Variants in CADM2 observed in about 807,000 individuals in gnomAD.
CADM2 encodes the protein immunoglobulin superfamily member 4D.
Under a neutral mutation model 49.8 loss-of-function variants are expected in CADM2, and 12 were observed. That is an observed-to-expected ratio of 0.24 (90% confidence interval 0.15 to 0.39). The LOEUF (loss-of-function observed/expected upper bound fraction) is 0.39, where lower values mean the gene tolerates loss of function less well. CADM2 is among the 10% of genes least tolerant of loss of function. The probability of loss-of-function intolerance (pLI) is 1.00; values close to 1 mark genes in which losing one functional copy is unlikely to be tolerated. For missense variants in CADM2, 378 were observed against 492.3 expected (o/e 0.77, Z 2.20); for synonymous variants, 214 against 175.4 (o/e 1.22, Z -1.74).
intron 7 of CADM2, among the ~76,000 whole-genome samples, chr3:85,959,058 C>CTA (rs1553713699): frequency 1.1e-3 from 173 of 150,446 alleles, no homozygotes; most frequent in African/African-American, 3.9e-3. Context: ...ATCTATATAT[C>CTA]TATATCTATA....
chr3:85,108,791 A>T (rs182311113), intron 1 of CADM2, among the ~76,000 whole-genome samples: 110 of 152,284 alleles, frequency 7.2e-4, no homozygotes, highest in Non-Finnish European at 1.4e-3. Context: ...TTAGAAAAAA[A>T]CATGTTTTTA....
rs1236869081 is a variant in CADM2, at chr3:85,801,999, C to G, written c.89-48C>G. 3.7e-6 allele frequency: 5 copies of G among 1,360,454 alleles called. No homozygotes were observed. The Admixed American group carries it at 1.1e-4, about 31-fold the overall frequency. 84.3% of individuals were successfully genotyped at this position (1,360,454 alleles called of 1,614,324 possible). On this transcript the variant is annotated intron_variant, in intron 2 of 9. Coordinates refer to ENST00000383699, the MANE Select transcript of CADM2 (RefSeq NM_001167675.2). Reference sequence around the variant, plus strand: ...CCAGTGTAGATCTTAGGCAGTTAATCATTTTATGACTTTCATTTAATCAAC... The same window carrying G: ...CCAGTGTAGATCTTAGGCAGTTAATGATTTTATGACTTTCATTTAATCAAC...
At chr3:85,485,625 A>G (rs900820022) in intron 1 of CADM2, among the ~76,000 whole-genome samples, 1 of 152,084 alleles carries the variant, frequency 6.6e-6, no homozygotes, top group African/African-American at 2.4e-5. Flanking sequence ...GCAAAATCAT[A>G]GTTAATTGCT....
chr3:85,787,492 G>T (rs747646616), intron 2 of CADM2, among the ~76,000 whole-genome samples: 4 of 152,020 alleles, frequency 2.6e-5, no homozygotes, highest in Admixed American at 6.6e-5. Flanking sequence ...AAGGGGTATT[G>T]GTTCCAGAAC....
chr3:86,034,533 A>G (rs1175793841), intron 8 of CADM2, among the ~76,000 whole-genome samples: 1 of 152,040 alleles, frequency 6.6e-6, no homozygotes, highest in African/African-American at 2.4e-5. Context: ...GTGAGAAATA[A>G]ATGTATGCTA....
intron 7 of CADM2, among the ~76,000 whole-genome samples, chr3:85,957,814 A>T (rs2108604612): frequency 6.6e-6 from 1 of 152,024 alleles, no homozygotes; most frequent in East Asian, 2.0e-4. Flanking sequence ...TCACTCATTA[A>T]TTATAAAGAA....
intron 1 of CADM2, among the ~76,000 whole-genome samples, chr3:85,224,321 G>C (rs1456557580): frequency 6.6e-6 from 1 of 152,074 alleles, no homozygotes; most frequent in Non-Finnish European, 1.5e-5. Context: ...ATCTCATTGA[G>C]GTTTTGATGT....
chr3:85,260,401 T>C (rs2107888101), intron 1 of CADM2, among the ~76,000 whole-genome samples: 1 of 152,250 alleles, frequency 6.6e-6, no homozygotes, highest in South Asian at 2.1e-4. Flanking sequence ...ATTTTTGAAG[T>C]GCTGATAGTT....
intron 1 of CADM2, among the ~76,000 whole-genome samples, chr3:85,182,950 G>C (rs1463061701): frequency 6.6e-6 from 1 of 151,894 alleles, no homozygotes; most frequent in African/African-American, 2.4e-5. Flanking sequence ...AGTGTCTTAT[G>C]TTTAGACTGT....
chr3:85,627,397 A>G (rs1251720128), intron 1 of CADM2, among the ~76,000 whole-genome samples: 1 of 151,740 alleles, frequency 6.6e-6, no homozygotes, highest in African/African-American at 2.4e-5. Flanking sequence ...CCATGTATAC[A>G]TTTGGGTAAA....
intron 1 of CADM2, among the ~76,000 whole-genome samples, chr3:85,523,781 A>G (rs2061087105): frequency 6.6e-6 from 1 of 152,086 alleles, no homozygotes; most frequent in Non-Finnish European, 1.5e-5. Context: ...AAAGTATAGA[A>G]CAATATGGGG....
intron 2 of CADM2, among the ~76,000 whole-genome samples, chr3:85,752,544 A>T (rs966176062): frequency 9.9e-5 from 15 of 152,076 alleles, no homozygotes; most frequent in African/African-American, 3.4e-4. Context: ...GCAGGTCAGC[A>T]TGTGGGATTT....
intron 8 of CADM2, among the ~76,000 whole-genome samples, chr3:85,997,116 A>G (rs1319995768): frequency 3.3e-5 from 5 of 152,228 alleles, no homozygotes; most frequent in African/African-American, 1.2e-4. Flanking sequence ...GTTTGGCTCT[A>G]AAATGAAAGT....
chr3:85,922,208 C>T (rs1436108473), intron 6 of CADM2, among the ~76,000 whole-genome samples: 4 of 150,876 alleles, frequency 2.7e-5, no homozygotes, highest in African/African-American at 7.3e-5. Context: ...CTCCTTCTTC[C>T]CCTTCTTTCC....
At chr3:85,716,457 C>T (rs890665700) in intron 1 of CADM2, among the ~76,000 whole-genome samples, 1 of 152,114 alleles carries the variant, frequency 6.6e-6, no homozygotes, top group Non-Finnish European at 1.5e-5. Flanking sequence ...TGTAGATTGC[C>T]TGTTCACTCT....
intron 1 of CADM2, among the ~76,000 whole-genome samples, chr3:84,963,439 A>G (rs546911086): frequency 1.3e-5 from 2 of 152,344 alleles, no homozygotes; most frequent in East Asian, 1.9e-4. Context: ...AGGGCAAAAT[A>G]TAACAAGAAA....
At chr3:85,673,320 A>T (rs1185658188) in intron 1 of CADM2, among the ~76,000 whole-genome samples, 4 of 152,120 alleles carry the variant, frequency 2.6e-5, no homozygotes, top group Non-Finnish European at 5.9e-5. Context: ...CTGTCTGTTC[A>T]GTTCTAAGAC....
At chr3:85,544,059 A>T (rs939011391) in intron 1 of CADM2, among the ~76,000 whole-genome samples, 1 of 152,230 alleles carries the variant, frequency 6.6e-6, no homozygotes, top group Admixed American at 6.5e-5. Context: ...GGGTACAAAA[A>T]GAGAAAAAAT....
At chr3:85,762,716 T>C (rs1211690453) in intron 2 of CADM2, among the ~76,000 whole-genome samples, 2 of 151,558 alleles carry the variant, frequency 1.3e-5, no homozygotes, top group Non-Finnish European at 2.9e-5. Context: ...GTATATACTA[T>C]ATACACACAT....
Sources: gnomAD v4.1 joint callset for allele counts (sites outside exome capture counted in the v4.1 genomes callset) on GRCh38, gnomAD v4.1.1 for gene constraint, MANE v1.5 for transcripts, NCBI Gene and HGNC (gene_info 2026-07-23, HGNC 2026-07-21) for gene names.